ACBD6: variants seen among roughly 807,000 people sequenced by gnomAD.
ACBD6 encodes acyl-CoA-binding domain-containing protein 6.
ACBD6 carries 28 observed loss-of-function variants against 37.2 expected under a neutral mutation model. The ratio of observed to expected loss-of-function variants is 0.75; its 90% CI spans 0.56 to 1.03. The LOEUF (loss-of-function observed/expected upper bound fraction) is 1.03. ACBD6 is among the 50% of genes least tolerant of loss of function. The pLI is 0.00. For synonymous variants in ACBD6, 113 were observed against 126.8 expected, an observed-to-expected ratio of 0.89 and a Z score of 0.73; for missense variants, 340 against 337.4, an observed-to-expected ratio of 1.01 and a Z score of -0.06.
intron 3 of ACBD6, among the ~76,000 whole-genome samples, chr1:180,453,813 T>G (rs984893541): frequency 1.3e-5 from 2 of 151,900 alleles, no homozygotes; most frequent in Non-Finnish European, 2.9e-5. Context: ...ACAAAGAAAT[T>G]CCTAGGAATA....
At chr1:180,492,629 T>C (rs1047309202) in intron 2 of ACBD6, among the ~76,000 whole-genome samples, 3 of 152,262 alleles carry the variant, frequency 2.0e-5, no homozygotes, top group African/African-American at 7.2e-5. Flanking sequence ...ATACAATGCA[T>C]AGCTATTAAA....
chr1:180,336,973 G>A (rs1241552943), intron 6 of ACBD6, among the ~76,000 whole-genome samples: 1 of 152,162 alleles, frequency 6.6e-6, no homozygotes, highest in Non-Finnish European at 1.5e-5. Context: ...TTGAATCTCT[G>A]AAGAGACCAA....
chr1:180,490,172 G>C (rs1025069578), intron 3 of ACBD6, among the ~76,000 whole-genome samples: 2 of 152,158 alleles, frequency 1.3e-5, no homozygotes, highest in Non-Finnish European at 2.9e-5. Flanking sequence ...TTCAAGTTTT[G>C]TTTCATTTCT....
At chr1:180,421,041 T>C (rs552574306) in intron 4 of ACBD6, among the ~76,000 whole-genome samples, 4 of 152,202 alleles carry the variant, frequency 2.6e-5, no homozygotes, top group African/African-American at 9.6e-5. Context: ...TCGGGGTACA[T>C]GTACAGGATG....
At chr1:180,424,180 C>A (rs1648490154) in intron 4 of ACBD6, among the ~76,000 whole-genome samples, 1 of 151,972 alleles carries the variant, frequency 6.6e-6, no homozygotes, top group Admixed American at 6.6e-5. Flanking sequence ...AACTATGTGA[C>A]CCTGGGCAAG....
chr1:180,307,356 G>A (rs1650422721), intron 7 of ACBD6, among the ~76,000 whole-genome samples: 1 of 152,130 alleles, frequency 6.6e-6, no homozygotes, highest in African/African-American at 2.4e-5. Flanking sequence ...ACAAGAGGCT[G>A]GGAAGGGTTG....
intron 6 of ACBD6, among the ~76,000 whole-genome samples, chr1:180,327,419 A>C (rs1232849912): frequency 6.6e-6 from 1 of 152,160 alleles, no homozygotes; most frequent in African/African-American, 2.4e-5. Flanking sequence ...TCAGCGATTT[A>C]AGACTGTGTT....
rs1456097608 is a variant in ACBD6 at position 180,389,454 on chromosome 1, A to G, written c.663+8062T>C. On this transcript the variant is annotated intron_variant, in intron 6 of 7. Transcript: ENST00000367595. ...CTTTGCTATTGTGAATAGTGCTGCA[A>G]TAAACATACGTGTGCATGTGTCTTT... Among the ~76,000 whole-genome samples the G allele has an allele frequency of 3.9e-5, 6 of 152,342 alleles. No individual in the cohort carries two copies. The East Asian group carries it at 9.6e-4, about 24-fold the overall frequency.
intron 3 of ACBD6, among the ~76,000 whole-genome samples, chr1:180,456,927 A>G (rs1649948598): frequency 6.6e-6 from 1 of 152,154 alleles, no homozygotes; most frequent in Non-Finnish European, 1.5e-5. Flanking sequence ...AATATTTGCT[A>G]GAATATTCAT....
At chr1:180,470,629 A>T (rs946629959) in intron 3 of ACBD6, among the ~76,000 whole-genome samples, 1 of 152,196 alleles carries the variant, frequency 6.6e-6, no homozygotes, top group Non-Finnish European at 1.5e-5. Context: ...TGCCTAGAAG[A>T]TCTCAAGCCT....
At chr1:180,471,593 G>A (rs970753072) in intron 3 of ACBD6, among the ~76,000 whole-genome samples, 4 of 152,120 alleles carry the variant, frequency 2.6e-5, no homozygotes, top group Admixed American at 6.6e-5. Flanking sequence ...GACGGCAAGA[G>A]AAAAATGAAG....
In ACBD6 at chr1:180,349,314, CG is replaced by C. The variant is rs1275004752; in HGVS notation, c.664-34593del. Among the ~76,000 whole-genome samples the C allele has an allele frequency of 9.3e-5, 14 of 150,684 alleles. No homozygotes were observed. The East Asian group carries it at 2.5e-3, about 27-fold the overall frequency. On this transcript the variant is annotated intron_variant, in intron 6 of 7. Coordinates refer to ENST00000367595, the MANE Select transcript of ACBD6 (RefSeq NM_032360.4). Reference sequence around the variant, plus strand: ...TCGCTCTGTCGCCCAGGCTGGCTCGCGGGCGATCTCGGCTCACTGCAAGCTC... The same window carrying C: ...TCGCTCTGTCGCCCAGGCTGGCTCGCGGCGATCTCGGCTCACTGCAAGCTC...
At chr1:180,407,606 T>C (rs529386352) in intron 5 of ACBD6, among the ~76,000 whole-genome samples, 1 of 152,178 alleles carries the variant, frequency 6.6e-6, no homozygotes, top group Non-Finnish European at 1.5e-5. Context: ...TGCTTATCCT[T>C]CTTTTTCTTC....
exon 14 of ACBD6, chr1:180,271,024 C>T (rs909655238): frequency 2.8e-6 from 1 of 356,448 alleles, no homozygotes; most frequent in African/African-American, 2.1e-5. Context: ...ACAGCTCTGG[C>T]AAGAACTCAT....
Position 180,413,323 on chromosome 1 carries a change from A to C in ACBD6, c.573+43T>G, listed in dbSNP as rs1647936106. On this transcript the variant is annotated intron_variant, in intron 5 of 7. Transcript: ENST00000367595. ...TTAGGAAAAGGCACTGGGGCAGAAC[A>C]ACCATGCATAGGAAAATAATTAACA... 3 of 1,493,630 alleles carry C rather than the reference A, an allele frequency of 2.0e-6. No individual in the cohort carries two copies. In the South Asian group the frequency reaches 3.4e-5, roughly 17 times the overall value. The allele number at this position is 1,493,630 out of a possible 1,614,324, so 92.5% of individuals were successfully genotyped here.
chr1:180,296,678 AC>A (rs1649931859), intron 7 of ACBD6, among the ~76,000 whole-genome samples: 1 of 150,356 alleles, frequency 6.7e-6, no homozygotes. Flanking sequence ...TGACCCGCCC[AC>A]CCGGGGCTCC....
intron 6 of ACBD6, among the ~76,000 whole-genome samples, chr1:180,367,057 C>G (rs1394285852): frequency 2.6e-5 from 4 of 152,164 alleles, no homozygotes; most frequent in African/African-American, 9.7e-5. Flanking sequence ...TACACAGATT[C>G]CTGTAAGGAT....
intron 2 of ACBD6, among the ~76,000 whole-genome samples, chr1:180,493,180 A>G (rs141854142): frequency 0.023 from 3,161 of 136,782 alleles, 117 homozygotes; most frequent in African/African-American, 0.078. Flanking sequence ...CCTGGGAGGC[A>G]GAGGTTGCAG....
intron 3 of ACBD6, among the ~76,000 whole-genome samples, chr1:180,484,836 C>A (rs1174357588): frequency 1.3e-5 from 2 of 151,794 alleles, no homozygotes; most frequent in Non-Finnish European, 2.9e-5. Context: ...GAGGCTGAGG[C>A]GGGTGGATCA....
Sources: allele counts gnomAD v4.1 joint callset (sites outside exome capture counted in the v4.1 genomes callset), GRCh38; gene constraint gnomAD v4.1.1; transcripts MANE v1.5; gene names NCBI Gene and HGNC (gene_info 2026-07-23, HGNC 2026-07-21).